Variants in LHFPL3 observed in about 807,000 individuals in gnomAD.
The protein encoded by LHFPL3 is LHFPL tetraspan subfamily member 3.
Under a neutral mutation model 19.3 loss-of-function variants are expected in LHFPL3, and 5 were observed. The observed-to-expected ratio is 0.26, with a 90% CI of 0.14 to 0.54. The LOEUF is 0.54. LHFPL3 is among the 20% of genes least tolerant of loss of function. The pLI, the probability that LHFPL3 is intolerant of heterozygous loss-of-function variation, is 0.94. For synonymous variants in LHFPL3, 133 were observed against 126.2 expected, an observed-to-expected ratio of 1.05 and a Z score of -0.36; for missense variants, 249 against 307.4, an observed-to-expected ratio of 0.81 and a Z score of 1.42.
intron 1 of LHFPL3, among the ~76,000 whole-genome samples, chr7:104,541,103 G>GACAC (rs58831498): frequency 0.11 from 14,174 of 134,424 alleles, 874 homozygotes; most frequent in East Asian, 0.17. Context: ...TCCTCCCCAT[G>GACAC]ACACACACAC....
At chr7:104,792,386 G>A (rs1336894259) in intron 2 of LHFPL3, among the ~76,000 whole-genome samples, 1 of 152,220 alleles carries the variant, frequency 6.6e-6, no homozygotes, top group African/African-American at 2.4e-5. Flanking sequence ...AAAACTGCTA[G>A]AATTCTCCGT....
intron 2 of LHFPL3, among the ~76,000 whole-genome samples, chr7:104,779,735 C>T (rs1373492284): frequency 6.6e-6 from 1 of 152,210 alleles, no homozygotes; most frequent in Non-Finnish European, 1.5e-5. Context: ...CTGATATGCG[C>T]TGGCCACTGC....
chr7:104,643,900 T>C (rs542088335), intron 1 of LHFPL3, among the ~76,000 whole-genome samples: 1 of 152,334 alleles, frequency 6.6e-6, no homozygotes, highest in East Asian at 1.9e-4. Context: ...TGGGTGGCTA[T>C]TGAACCATGA....
At chr7:104,430,105 G>A (rs1791927159) in intron 1 of LHFPL3, among the ~76,000 whole-genome samples, 2 of 149,806 alleles carry the variant, frequency 1.3e-5, no homozygotes, top group Admixed American at 1.3e-4. Flanking sequence ...AAACAACATA[G>A]GAAAAAACCA....
chr7:104,551,327 A>G (rs544734155), intron 1 of LHFPL3, among the ~76,000 whole-genome samples: 7 of 152,172 alleles, frequency 4.6e-5, no homozygotes, highest in African/African-American at 1.2e-4. Context: ...GCATATTTCC[A>G]TTTGCTGTAA....
At chr7:104,713,035 G>A (rs1297667448) in intron 1 of LHFPL3, among the ~76,000 whole-genome samples, 1 of 152,118 alleles carries the variant, frequency 6.6e-6, no homozygotes, top group Non-Finnish European at 1.5e-5. Context: ...CCCTCAAGCT[G>A]GGGTCAAGAA....
chr7:104,779,483 G>C (rs559591259), intron 2 of LHFPL3, among the ~76,000 whole-genome samples: 5 of 152,130 alleles, frequency 3.3e-5, no homozygotes, highest in Admixed American at 1.3e-4. Flanking sequence ...ATGGGAGTCT[G>C]TGACGCCCAG....
intron 2 of LHFPL3, among the ~76,000 whole-genome samples, chr7:104,863,774 T>C (rs902690876): frequency 3.3e-5 from 5 of 152,212 alleles, no homozygotes; most frequent in Non-Finnish European, 7.3e-5. Flanking sequence ...CCAGATTCTC[T>C]GATTACCAAG....
chr7:104,876,718 C>T (rs866442922), intron 2 of LHFPL3, among the ~76,000 whole-genome samples: 8 of 151,894 alleles, frequency 5.3e-5, no homozygotes, highest in African/African-American at 9.7e-5. Context: ...GTCAGTGTGG[C>T]GATTCCTCAG....
intron 2 of LHFPL3, chr7:104,768,553 A>T (rs1383882715): frequency 2.6e-5 from 4 of 152,136 alleles, no homozygotes; most frequent in African/African-American, 7.2e-5. Context: ...TCATCTACAG[A>T]TGCTCCTCTT....
At chr7:104,665,515 A>T (rs1792316228) in intron 1 of LHFPL3, among the ~76,000 whole-genome samples, 1 of 152,070 alleles carries the variant, frequency 6.6e-6, no homozygotes, top group Non-Finnish European at 1.5e-5. Flanking sequence ...AGTAACTTTG[A>T]CTCCTCTGTG....
chr7:104,574,714 G>A (rs1486415477), intron 1 of LHFPL3, among the ~76,000 whole-genome samples: 9 of 151,968 alleles, frequency 5.9e-5, no homozygotes, highest in Non-Finnish European at 5.9e-5. Flanking sequence ...GATATATAAG[G>A]GATCTTTTAT....
intron 1 of LHFPL3, among the ~76,000 whole-genome samples, chr7:104,634,294 A>G (rs1057292192): frequency 6.6e-6 from 1 of 152,136 alleles, no homozygotes; most frequent in African/African-American, 2.4e-5. Flanking sequence ...GAGTGCCAAC[A>G]TGGTTGGTTT....
intron 1 of LHFPL3, among the ~76,000 whole-genome samples, chr7:104,674,373 T>C (rs57234821): frequency 0.1 from 12,591 of 124,806 alleles, 706 homozygotes; most frequent in Non-Finnish European, 0.13. Flanking sequence ...TTTCTTTTTC[T>C]TTTTTTTTTT....
chr7:104,523,999 T>A (rs573932895), intron 1 of LHFPL3, among the ~76,000 whole-genome samples: 2 of 152,346 alleles, frequency 1.3e-5, no homozygotes, highest in African/African-American at 4.8e-5. Context: ...AACAGGTGTT[T>A]AGGAACGATT....
chr7:104,808,073 GATTTAAGTAACAGT>G (rs1208779639), intron 2 of LHFPL3, among the ~76,000 whole-genome samples: 2 of 152,146 alleles, frequency 1.3e-5, no homozygotes, highest in African/African-American at 4.8e-5. Context: ...CCGTGCCTGG[GATTTAAGTAACAGT>G]ATTTGACTCT....
At chr7:104,864,933 G>A (rs1791691507) in intron 2 of LHFPL3, among the ~76,000 whole-genome samples, 1 of 152,204 alleles carries the variant, frequency 6.6e-6, no homozygotes, top group African/African-American at 2.4e-5. Context: ...CCGCTGTTCT[G>A]CAGCCTCCAC....
intron 1 of LHFPL3, among the ~76,000 whole-genome samples, chr7:104,629,278 G>T (rs112812910): frequency 6.6e-6 from 1 of 152,070 alleles, no homozygotes; most frequent in South Asian, 2.1e-4. Context: ...TTTAGCATGG[G>T]GATAAAGATG....
At chr7:104,606,687 G>A (rs142167834) in intron 1 of LHFPL3, among the ~76,000 whole-genome samples, 1 of 152,272 alleles carries the variant, frequency 6.6e-6, no homozygotes, top group East Asian at 1.9e-4. Flanking sequence ...GCGATGGAGA[G>A]TTTAACTAAT....
Sources: allele counts gnomAD v4.1 joint callset (sites outside exome capture counted in the v4.1 genomes callset), GRCh38; gene constraint gnomAD v4.1.1; transcripts MANE v1.5; gene names NCBI Gene and HGNC (gene_info 2026-07-23, HGNC 2026-07-21).